Variants in TNMD observed in about 807,000 individuals in gnomAD.
TNMD encodes BRICHOS domain containing 4.
In TNMD, 15 loss-of-function variants were observed where a neutral mutation model predicts 26.9. That is an observed-to-expected ratio of 0.56 (90% CI 0.37 to 0.86). The LOEUF is 0.86. Ranked by LOEUF, TNMD falls within the 40% of genes least tolerant of loss-of-function variation. The pLI is 0.00. For synonymous variants in TNMD, 73 were observed against 77.0 expected (o/e 0.95, Z 0.27); for missense variants, 222 against 242.6 (o/e 0.92, Z 0.56).
At chrX:100,585,702 C>T (rs2082920327) in intron 2 of TNMD, among the ~76,000 whole-genome samples, 1 of 111,971 alleles carries the variant, frequency 8.9e-6, no homozygotes. Flanking sequence ...ATTATCTGGG[C>T]AGAAACTGAT....
intron 4 of TNMD, among the ~76,000 whole-genome samples, chrX:100,596,100 A>C (rs911379810): frequency 8.9e-6 from 1 of 112,238 alleles, no homozygotes; most frequent in Non-Finnish European, 1.9e-5. Context: ...GAAGAGGGGG[A>C]TCACTGGAGG....
chrX:100,593,900 T>C lies in TNMD; in HGVS notation c.186T>C (p.Tyr62=). ...GTTTTCCTCTGTTCTCCCAGGCCTATGACATGGAGCACACTTTCTACAGCA... is the reference window on the plus strand; with the variant it reads ...GTTTTCCTCTGTTCTCCCAGGCCTACGACATGGAGCACACTTTCTACAGCA... ...HFWPEVPKKA[Y]DMEHTFYSNG... is the part of the protein sequence containing the mutation. Residue 62 remains tyrosine (Y), a synonymous_variant, in exon 3 of 7, where the codon TAT becomes TAC. Transcript: ENST00000373031. 8.3e-7 allele frequency: 1 copy of C among 1,209,747 alleles called. No individual in the cohort carries two copies. The highest frequency in any genetic ancestry group is 3.0e-5 in the East Asian group (1 of 33,775).
At chrX:100,596,045 G>A (rs987791980) in intron 4 of TNMD, among the ~76,000 whole-genome samples, 2 of 112,506 alleles carry the variant, frequency 1.8e-5, no homozygotes, top group South Asian at 3.6e-4. Context: ...CAAAGGAGGC[G>A]GGGCACGGTG....
intron 2 of TNMD, among the ~76,000 whole-genome samples, chrX:100,590,815 C>T (rs1482250969): frequency 1.8e-5 from 2 of 111,787 alleles, no homozygotes; most frequent in African/African-American, 6.5e-5. Context: ...TCCCATTCCT[C>T]GTGCCACTGT....
chrX:100,586,728 T>A (rs1338802656), intron 2 of TNMD, among the ~76,000 whole-genome samples: 1 of 111,627 alleles, frequency 9.0e-6, no homozygotes, highest in African/African-American at 3.3e-5. Context: ...CTCCCCTTAC[T>A]GCTCCTTGCT....
At chrX:100,587,642 G>C (rs1488614388) in intron 2 of TNMD, among the ~76,000 whole-genome samples, 3 of 111,802 alleles carry the variant, frequency 2.7e-5, no homozygotes, top group Non-Finnish European at 5.6e-5. Context: ...AAATCAGCTG[G>C]AAATGAGGAT....
chrX:100,592,539 G>A (rs1441258293), intron 2 of TNMD, among the ~76,000 whole-genome samples: 4 of 111,944 alleles, frequency 3.6e-5, no homozygotes, highest in South Asian at 3.8e-4. Context: ...CAAATACTTA[G>A]GTTCCAACCA....
In TNMD at chrX:100,585,202, T is replaced by C. The variant is rs763328363; in HGVS notation, c.49-29T>C. On this transcript the variant is annotated intron_variant, in intron 1 of 6. Transcript: ENST00000373031. ...CTTGCTTATTGAGATTTATTGTGTA[T>C]TGTTTTATTCTCTCTGTTCTTTGGT... 31 of 1,201,081 alleles carry C rather than the reference T, an allele frequency of 2.6e-5. No individual in the cohort carries two copies. The Admixed American group carries it at 3.1e-4, about 12-fold the overall frequency.
Position 100,593,913 on chromosome X carries a change from A to G in TNMD, c.199A>G (p.Thr67Ala), listed in dbSNP as rs1482090645. The change falls in exon 3 of 7, where the codon ACT (threonine) becomes GCT (alanine). Residue 67 changes from threonine (T) to alanine (A), a missense_variant. Coordinates refer to ENST00000373031, the MANE Select transcript of TNMD (RefSeq NM_022144.3). ...CTCCCAGGCCTATGACATGGAGCAC[A>G]CTTTCTACAGCAATGGAGAGAAGAA... Reference protein sequence around the residue: ...VPKKAYDMEHTFYSNGEKKKI... With the variant: ...VPKKAYDMEHAFYSNGEKKKI... 1.7e-6 allele frequency: 2 copies of G among 1,210,709 alleles called. No individual in the cohort carries two copies. Among genetic ancestry groups the G allele is most frequent in the Non-Finnish European group, 2.2e-6 (2 of 894,905 alleles).
intron 4 of TNMD, among the ~76,000 whole-genome samples, chrX:100,596,202 C>T (rs760530346): frequency 9.0e-6 from 1 of 111,583 alleles, no homozygotes; most frequent in South Asian, 3.9e-4. Flanking sequence ...GGCATGGTGG[C>T]GTGTGCCTGT....
intron 4 of TNMD, among the ~76,000 whole-genome samples, chrX:100,595,267 TTTC>T (rs201605708): frequency 5.7e-4 from 62 of 109,723 alleles, no homozygotes; most frequent in Non-Finnish European, 9.5e-4. Context: ...CAGAATGATC[TTTC>T]TTCTTCTTCT....
chrX:100,598,292 C>G (rs2082958554), intron 5 of TNMD, among the ~76,000 whole-genome samples: 1 of 111,038 alleles, frequency 9.0e-6, no homozygotes, highest in African/African-American at 3.3e-5. Context: ...CTCTATTACC[C>G]AAGAGAGGTT....
At chrX:100,598,212 G>A (rs2082958241) in intron 5 of TNMD, among the ~76,000 whole-genome samples, 1 of 111,379 alleles carries the variant, frequency 9.0e-6, no homozygotes, top group African/African-American at 3.3e-5. Flanking sequence ...GAAGGTAAAG[G>A]CCCCTGGATG....
chrX:100,592,140 C>G (rs182791046), intron 2 of TNMD, among the ~76,000 whole-genome samples: 2 of 111,702 alleles, frequency 1.8e-5, no homozygotes, highest in African/African-American at 6.5e-5. Flanking sequence ...CAACATTTGT[C>G]TCAAAAATGG....
chrX:100,585,506 AT>A (rs2082919589), intron 2 of TNMD, 144 bp downstream of exon 2: 1 of 706,136 alleles, frequency 1.4e-6, no homozygotes, highest in East Asian at 3.6e-5. Flanking sequence ...CTGAATCAAG[AT>A]TTTTCTCTCC....
chrX:100,590,906 A>C (rs185910186), intron 2 of TNMD, among the ~76,000 whole-genome samples: 27 of 112,123 alleles, frequency 2.4e-4, no homozygotes, highest in Non-Finnish European at 4.5e-4. Context: ...AAAATCCACT[A>C]TTAGTACTTC....
intron 2 of TNMD, among the ~76,000 whole-genome samples, chrX:100,590,536 T>C (rs747814102): frequency 2.2e-4 from 25 of 112,316 alleles, no homozygotes; most frequent in Non-Finnish European, 1.9e-5. Context: ...AATGGAGGAT[T>C]TAACTGGACT....
chrX:100,587,047 G>C (rs1439187278), intron 2 of TNMD, among the ~76,000 whole-genome samples: 2 of 112,362 alleles, frequency 1.8e-5, no homozygotes, highest in African/African-American at 6.5e-5. Flanking sequence ...TTAGATGCTT[G>C]CCTAAATAAG....
chrX:100,585,421 A>G, intron 2 of TNMD, 59 bp downstream of exon 2: 1 of 1,042,666 alleles, frequency 9.6e-7, no homozygotes, highest in Non-Finnish European at 1.3e-6. Flanking sequence ...GAATTTAATT[A>G]GTAGGCATAT....
Sources: allele counts gnomAD v4.1 joint callset (sites outside exome capture counted in the v4.1 genomes callset), GRCh38; gene constraint gnomAD v4.1.1; transcripts MANE v1.5; gene names NCBI Gene and HGNC (gene_info 2026-07-23, HGNC 2026-07-21).